The following CREBRF variants were observed in gnomAD, a reference collection of about 807,000 sequenced individuals.
CREBRF encodes the protein CREB3 regulatory factor.
A neutral mutation model predicts 66.1 loss-of-function variants in CREBRF; 5 were observed. The ratio of observed to expected loss-of-function variants is 0.08; its 90% confidence interval spans 0.04 to 0.16. The LOEUF is 0.16. CREBRF is among the 10% of genes least tolerant of loss of function. CREBRF has a pLI of 1.00. For synonymous variants in CREBRF, 229 were observed against 264.4 expected (o/e 0.87, Z 1.30); for missense variants, 531 against 744.9 (o/e 0.71, Z 3.34).
intron 1 of CREBRF, chr5:173,060,393 G>A (rs1757234687): frequency 1.3e-5 from 2 of 151,952 alleles, no homozygotes; most frequent in East Asian, 3.9e-4. Flanking sequence ...GCTATGCTCA[G>A]CTAATTTTTG....
At chr5:173,110,294 A>T (rs1238136792) in intron 5 of CREBRF, 2 of 621,910 alleles carry the variant, frequency 3.2e-6, no homozygotes, top group Admixed American at 4.4e-5. Flanking sequence ...ACTTGGAAAA[A>T]GTTAGAACTC....
chr5:173,132,043 A>G (rs1032721765), intron 8 of CREBRF, among the ~76,000 whole-genome samples: 1 of 147,442 alleles, frequency 6.8e-6, no homozygotes. Context: ...ATTTTTTATG[A>G]TATCTTTTGA....
chr5:173,112,077 G>C (rs940766626), intron 6 of CREBRF, among the ~76,000 whole-genome samples: 2 of 152,062 alleles, frequency 1.3e-5, no homozygotes, highest in African/African-American at 4.8e-5. Context: ...GTTTTGGATT[G>C]CTATTAGAAA....
intron 1 of CREBRF, among the ~76,000 whole-genome samples, chr5:173,060,877 CT>C (rs1757249233): frequency 6.6e-6 from 1 of 152,118 alleles, no homozygotes; most frequent in African/African-American, 2.4e-5. Context: ...TCCAATAAAA[CT>C]TTATTTACAA....
At chr5:173,117,047 A>C (rs971118622) in intron 7 of CREBRF, among the ~76,000 whole-genome samples, 23 of 151,940 alleles carry the variant, frequency 1.5e-4, no homozygotes, top group African/African-American at 5.6e-4. Flanking sequence ...CTGTTCAAAT[A>C]TTTTGCCATT....
At chr5:173,129,982 C>T (rs1038548898) in intron 8 of CREBRF, among the ~76,000 whole-genome samples, 7 of 152,006 alleles carry the variant, frequency 4.6e-5, no homozygotes, top group Non-Finnish European at 7.4e-5. Context: ...CATGCCACCA[C>T]GCCTGGCTAA....
chr5:173,108,750 T>C lies in CREBRF; in HGVS notation c.1349T>C (p.Leu450Pro). 2 of 1,614,076 alleles carry C rather than the reference T, an allele frequency of 1.2e-6. No homozygotes were observed. The highest frequency in any genetic ancestry group is 1.7e-6 in the Non-Finnish European group (2 of 1,179,992). ...ACACCATCACAGCAAGAGAGGATGCTGAGACCATCTGAGTGGAACCGAGAT... is the reference window on the plus strand; with the variant it reads ...ACACCATCACAGCAAGAGAGGATGCCGAGACCATCTGAGTGGAACCGAGAT... ...QLTPSQQERM[L>P]RPSEWNRDTL... Residue 450 changes from leucine (L) to proline (P), a missense_variant, in exon 5 of 9, where the codon CTG (leucine) becomes CCG (proline). Transcript: ENST00000296953.
At chr5:173,077,725 C>T (rs936324180) in intron 1 of CREBRF, among the ~76,000 whole-genome samples, 1 of 152,092 alleles carries the variant, frequency 6.6e-6, no homozygotes, top group Non-Finnish European at 1.5e-5. Flanking sequence ...CAAACAGAAA[C>T]TATGTACACT....
At chr5:173,100,403 G>A (rs777070846) in intron 4 of CREBRF, among the ~76,000 whole-genome samples, 5 of 151,476 alleles carry the variant, frequency 3.3e-5, no homozygotes, top group Non-Finnish European at 5.9e-5. Flanking sequence ...TTTACACAGT[G>A]AATTTTATAC....
chr5:173,091,097 A>G lies in CREBRF; in HGVS notation c.918A>G (p.Glu306=). ...QELLLSPLPQ[E]GPGSLAAGES... Reference sequence around the variant, plus strand: ...TATTACTAAGTCCCCTGCCCCAGGAAGGTCCTGGGTCACTTGCAGCAGGAG... The same window carrying G: ...TATTACTAAGTCCCCTGCCCCAGGAGGGTCCTGGGTCACTTGCAGCAGGAG... Residue 306 remains glutamate (E), a synonymous_variant, in exon 4 of 9, where the codon GAA becomes GAG. Transcript: ENST00000296953. The G allele has an allele frequency of 6.2e-7, 1 of 1,614,216 alleles. No homozygotes were observed. The highest frequency in any genetic ancestry group is 8.5e-7 in the Non-Finnish European group (1 of 1,180,034).
intron 4 of CREBRF, chr5:173,091,901 A>G (rs1331922377): frequency 2.3e-6 from 1 of 434,040 alleles, no homozygotes; most frequent in African/African-American, 2.1e-5. Flanking sequence ...CCCGGCCAAC[A>G]CAGCGAAACC....
intron 1 of CREBRF, among the ~76,000 whole-genome samples, chr5:173,062,226 A>G (rs183060522): frequency 6.6e-6 from 1 of 152,196 alleles, no homozygotes; most frequent in East Asian, 1.9e-4. Context: ...CTCCTGGCTT[A>G]TTTGTCTTCC....
chr5:173,066,876 G>A (rs570880876), intron 1 of CREBRF, among the ~76,000 whole-genome samples: 13 of 137,724 alleles, frequency 9.4e-5, no homozygotes, highest in African/African-American at 2.2e-4. Flanking sequence ...GTGCAGTGGC[G>A]TGATAATGGC....
intron 1 of CREBRF, among the ~76,000 whole-genome samples, chr5:173,070,518 C>T (rs546028238): frequency 5.9e-5 from 9 of 152,048 alleles, no homozygotes; most frequent in African/African-American, 9.6e-5. Context: ...AAAATAATGA[C>T]GAGGGAGAGA....
chr5:173,116,847 A>C (rs1271884299), intron 7 of CREBRF, among the ~76,000 whole-genome samples: 1 of 152,202 alleles, frequency 6.6e-6, no homozygotes, highest in African/African-American at 2.4e-5. Flanking sequence ...TCTTAAAAAC[A>C]GTGTAGGAGG....
chr5:173,097,168 G>A (rs915670730), intron 4 of CREBRF, among the ~76,000 whole-genome samples: 2 of 152,340 alleles, frequency 1.3e-5, no homozygotes, highest in East Asian at 3.9e-4. Context: ...AAGTATTAGA[G>A]AAGGATTGGT....
rs767884047 is a variant in CREBRF at position 173,134,333 on chromosome 5, C to G, written c.*588C>G. 1 of 245,098 alleles carries G rather than the reference C, an allele frequency of 4.1e-6. No homozygotes were observed. The highest frequency in any genetic ancestry group is 4.4e-5 in the South Asian group (1 of 22,550). 15.2% of individuals were successfully genotyped at this position (245,098 alleles called of 1,614,324 possible). On this transcript the variant is annotated 3_prime_UTR_variant, in exon 9 of 9. Coordinates refer to ENST00000296953, the MANE Select transcript of CREBRF (RefSeq NM_153607.3). ...GTCTGTGCAAGTAAGAAAAAAAAAG[C>G]ATATTCTTTGTGCCTTGTATTTTGG...
At chr5:173,117,531 T>TCCC (rs1561814551) in intron 7 of CREBRF, among the ~76,000 whole-genome samples, 7 of 35,494 alleles carry the variant, frequency 2.0e-4, no homozygotes, top group Admixed American at 3.8e-4. Flanking sequence ...TCCCCTCCCC[T>TCCC]CTCCTCTTCC....
chr5:173,057,940 A>T (rs1214008798), intron 1 of CREBRF, among the ~76,000 whole-genome samples: 1 of 151,994 alleles, frequency 6.6e-6, no homozygotes, highest in East Asian at 1.9e-4. Context: ...TTCTTGAGAA[A>T]ACTGAGCCCA....
Sources: allele counts gnomAD v4.1 joint callset (sites outside exome capture counted in the v4.1 genomes callset), GRCh38; gene constraint gnomAD v4.1.1; transcripts MANE v1.5; gene names NCBI Gene and HGNC (gene_info 2026-07-23, HGNC 2026-07-21).